NRXN3: variants seen among roughly 807,000 people sequenced by gnomAD.
The protein encoded by NRXN3 is neurexin 3.
A neutral mutation model predicts 137.6 loss-of-function variants in NRXN3; 32 were observed. That is an observed-to-expected ratio of 0.23 (90% CI 0.18 to 0.31). The LOEUF (loss-of-function observed/expected upper bound fraction) is 0.31, where lower values mean the gene tolerates loss of function less well. Among genes scored for constraint, NRXN3 ranks in the 10% least tolerant of loss-of-function variants. The pLI is 1.00. For synonymous variants in NRXN3, 798 were observed against 784.5 expected (o/e 1.02, Z -0.29); for missense variants, 1,574 against 2,062.5 (o/e 0.76, Z 4.59).
intron 15 of NRXN3, among the ~76,000 whole-genome samples, chr14:79,340,840 T>C (rs2092571281): frequency 6.6e-6 from 1 of 152,168 alleles, no homozygotes; most frequent in African/African-American, 2.4e-5. Flanking sequence ...GATTCTAGTA[T>C]TTTGGCAGTT....
chr14:78,633,494 A>C (rs544374225), intron 4 of NRXN3, among the ~76,000 whole-genome samples: 74 of 152,140 alleles, frequency 4.9e-4, no homozygotes, highest in African/African-American at 1.8e-3. Flanking sequence ...TCACCTATCC[A>C]TTCAGATTCT....
intron 4 of NRXN3, among the ~76,000 whole-genome samples, chr14:78,517,572 T>C (rs562371861): frequency 1.3e-5 from 2 of 152,284 alleles, no homozygotes; most frequent in South Asian, 4.1e-4. Context: ...TTTCTCTTCA[T>C]TGCATTAGTC....
Position 79,824,275 on chromosome 14 carries a change from T to A in NRXN3, c.4093+19085T>A, listed in dbSNP as rs183008141. ...AGCTGCAGATTAATTGAGACTCTCT[T>A]CCATGTAGGGAACATCTGTCACTGC... On this transcript the variant is annotated intron_variant, in intron 20 of 20. Coordinates refer to ENST00000335750, the MANE Select transcript of NRXN3 (RefSeq NM_001330195.2). Among the ~76,000 whole-genome samples, 8 of 152,350 alleles carry A rather than the reference T, an allele frequency of 5.3e-5. No individual in the cohort carries two copies. The East Asian group carries it at 1.5e-3, about 29-fold the overall frequency.
rs2094975283 is a variant in NRXN3 at position 79,395,103 on chromosome 14, G to A, written c.3263-72118G>A. On this transcript the variant is annotated intron_variant, in intron 15 of 20. Transcript: ENST00000335750. The stretch of plus-strand genomic sequence containing the variant: ...AGGGAGCCAGTTAACAACATCTTTG[G>A]AACAACCATCCTGTGTGGAGCATTG... Among the ~76,000 whole-genome samples, 3 of 152,122 alleles carry A rather than the reference G, an allele frequency of 2.0e-5. No homozygotes were observed. The South Asian group carries it at 6.2e-4, about 32-fold the overall frequency.
intron 4 of NRXN3, among the ~76,000 whole-genome samples, chr14:78,529,817 A>C (rs2096434512): frequency 6.6e-6 from 1 of 152,158 alleles, no homozygotes; most frequent in African/African-American, 2.4e-5. Context: ...TCAACAAATC[A>C]CCTTGCTACC....
intron 10 of NRXN3, among the ~76,000 whole-genome samples, chr14:78,949,444 T>A (rs2099382164): frequency 6.6e-6 from 1 of 151,974 alleles, no homozygotes; most frequent in Non-Finnish European, 1.5e-5. Context: ...ACCCATCCAC[T>A]CATTTGTTTA....
At chr14:79,154,554 T>G (rs536056570) in intron 15 of NRXN3, among the ~76,000 whole-genome samples, 31 of 152,028 alleles carry the variant, frequency 2.0e-4, no homozygotes, top group African/African-American at 7.0e-4. Flanking sequence ...ATGGTAAGCT[T>G]ATTCACACAT....
At chr14:78,235,106 A>ATT (rs1274783359) in intron 1 of NRXN3, among the ~76,000 whole-genome samples, 3 of 150,048 alleles carry the variant, frequency 2.0e-5, no homozygotes, top group Non-Finnish European at 4.4e-5. Flanking sequence ...ATAGTTACAA[A>ATT]TTGTACCTTC....
chr14:79,529,267 G>A (rs1233199867), intron 16 of NRXN3, among the ~76,000 whole-genome samples: 1 of 152,180 alleles, frequency 6.6e-6, no homozygotes, highest in African/African-American at 2.4e-5. Flanking sequence ...GGTGGTCAGA[G>A]AGAAACAGAA....
intron 4 of NRXN3, among the ~76,000 whole-genome samples, chr14:78,630,845 T>C (rs2097515154): frequency 6.6e-6 from 1 of 152,146 alleles, no homozygotes; most frequent in Non-Finnish European, 1.5e-5. Flanking sequence ...GACCTCGTGG[T>C]CCGCCCACCT....
chr14:79,182,798 T>C (rs986838938), intron 15 of NRXN3, among the ~76,000 whole-genome samples: 4 of 152,280 alleles, frequency 2.6e-5, no homozygotes, highest in Admixed American at 2.6e-4. Flanking sequence ...CACAATAAAT[T>C]ACTTAAGTTC....
At chr14:78,235,496 ATG>A (rs910947296) in intron 1 of NRXN3, among the ~76,000 whole-genome samples, 2 of 152,052 alleles carry the variant, frequency 1.3e-5, no homozygotes, top group Non-Finnish European at 2.9e-5. Flanking sequence ...TATATAACTC[ATG>A]TGTATCTCTA....
At chr14:79,707,157 T>C (rs1026381108) in intron 19 of NRXN3, among the ~76,000 whole-genome samples, 3 of 152,134 alleles carry the variant, frequency 2.0e-5, no homozygotes, top group Non-Finnish European at 4.4e-5. Flanking sequence ...GAAGGAACAA[T>C]AGCTATGTTG....
At chr14:78,916,881 C>A (rs1161451446) in intron 10 of NRXN3, among the ~76,000 whole-genome samples, 1 of 152,176 alleles carries the variant, frequency 6.6e-6, no homozygotes, top group Non-Finnish European at 1.5e-5. Context: ...GAACTTTCTT[C>A]TTGGCTTTTA....
intron 10 of NRXN3, among the ~76,000 whole-genome samples, chr14:78,924,570 C>A (rs920602570): frequency 6.6e-6 from 1 of 152,110 alleles, no homozygotes; most frequent in African/African-American, 2.4e-5. Flanking sequence ...CTATTCTGAA[C>A]ATGGGCTGTG....
chr14:79,716,461 T>C (rs562604185), intron 19 of NRXN3, among the ~76,000 whole-genome samples: 8 of 152,340 alleles, frequency 5.3e-5, no homozygotes, highest in African/African-American at 1.9e-4. Flanking sequence ...TTCTGGACTT[T>C]ACAGCCTTCT....
At chr14:79,676,213 G>A (rs906810523) in intron 17 of NRXN3, among the ~76,000 whole-genome samples, 4 of 151,950 alleles carry the variant, frequency 2.6e-5, no homozygotes, top group Admixed American at 2.6e-4. Flanking sequence ...CCCACTTCAT[G>A]CTATTGAGTT....
At chr14:79,668,997 T>C (rs1006749403) in intron 17 of NRXN3, 1 of 152,082 alleles carries the variant, frequency 6.6e-6, no homozygotes, top group Admixed American at 6.6e-5. Flanking sequence ...GTCTATGTAC[T>C]TGACATGATG....
At chr14:78,293,403 C>A (rs907221417) in intron 3 of NRXN3, among the ~76,000 whole-genome samples, 5 of 152,198 alleles carry the variant, frequency 3.3e-5, no homozygotes, top group African/African-American at 1.2e-4. Flanking sequence ...CTCCTTTCAG[C>A]TCTTTATGTG....
Sources: allele counts gnomAD v4.1 joint callset (sites outside exome capture counted in the v4.1 genomes callset), GRCh38; gene constraint gnomAD v4.1.1; transcripts MANE v1.5; gene names NCBI Gene and HGNC (gene_info 2026-07-23, HGNC 2026-07-21).